The following MICAL1 variants were observed in gnomAD, a reference collection of about 807,000 sequenced individuals.
MICAL1 encodes the protein [F-actin]-monooxygenase MICAL1.
Under a neutral mutation model 131.8 loss-of-function variants are expected in MICAL1, and 95 were observed. That is an observed-to-expected ratio of 0.72 (90% CI 0.61 to 0.86). The LOEUF is 0.86. Ranked by LOEUF, MICAL1 falls within the 40% of genes least tolerant of loss-of-function variation. The pLI, the probability that MICAL1 is intolerant of heterozygous loss-of-function variation, is 0.00. For missense variants in MICAL1, 1,292 were observed against 1,380.6 expected, an observed-to-expected ratio of 0.94 and a Z score of 1.02; for synonymous variants, 546 against 554.2, an observed-to-expected ratio of 0.99 and a Z score of 0.21.
chr6:109,450,475 T>C lies in MICAL1; in HGVS notation c.1016A>G (p.Asp339Gly). The C allele has an allele frequency of 6.2e-7, 1 of 1,613,390 alleles. No homozygotes were observed. Among genetic ancestry groups the C allele is most frequent in the Non-Finnish European group, 8.5e-7 (1 of 1,179,998 alleles). The change falls in exon 8 of 25, where the codon GAC (aspartate) becomes GGC (glycine). Residue 339 changes from aspartate (D) to glycine (G), a missense_variant. Coordinates refer to ENST00000358807, the MANE Select transcript of MICAL1 (RefSeq NM_022765.4). Reference protein sequence around the residue: ...ALQRFTRAAADFATHGKLGKL... With the variant: ...ALQRFTRAAAGFATHGKLGKL... Reference sequence around the variant, plus strand: ...CCCGAGCTTGCCATGGGTGGCAAAGTCAGCAGCTGCCCGGGTAAAGCGCTG... The same window carrying C: ...CCCGAGCTTGCCATGGGTGGCAAAGCCAGCAGCTGCCCGGGTAAAGCGCTG...
intron 22 of MICAL1, 62 bp from the exon 23 acceptor site, chr6:109,445,057 C>T (rs1775146804): frequency 6.3e-7 from 1 of 1,593,596 alleles, no homozygotes; most frequent in South Asian, 1.1e-5. Context: ...ACAGGAGTTA[C>T]AGGCTTAGGG....
In MICAL1 at chr6:109,450,080, G is replaced by A; in HGVS notation, c.1197C>T (p.Phe399=). ...GTGCCACTCCAGTGCCCAGGGGCCA[G>A]AAGGGCTGCAGTGTCAGAGGAATAG... The part of the protein sequence containing the change: ...GLVGDCLVEP[F]WPLGTGVARG... The change falls in exon 9 of 25, where the codon TTC becomes TTT. Residue 399 remains phenylalanine, a synonymous_variant. Transcript: ENST00000358807. 1 of 1,613,596 alleles carries A rather than the reference G, an allele frequency of 6.2e-7. No individual in the cohort carries two copies. The highest frequency in any genetic ancestry group is 2.2e-5 in the East Asian group (1 of 44,890).
chr6:109,464,597 T>C (rs902492920), intron 1 of MICAL1: 2 of 152,208 alleles, frequency 1.3e-5, no homozygotes, highest in African/African-American at 4.8e-5. Flanking sequence ...AATCATACAA[T>C]TACAGACACA....
rs910205794 is a variant in MICAL1, at chr6:109,452,755, C to T, written c.572-140G>A. ...CAATGATATATTATCTATCAGATTA[C>T]ACCTTCACAGCAGCTATGGAAGGCA... On this transcript the variant is annotated intron_variant, in intron 4 of 24. Transcript: ENST00000358807. The T allele has an allele frequency of 1.9e-5, 12 of 636,368 alleles. No homozygotes were observed. The African/African-American group carries it at 2.2e-4, about 12-fold the overall frequency. The allele number at this position is 636,368 out of a possible 1,614,324, so 39.4% of individuals were successfully genotyped here.
rs1421053183 is a variant in MICAL1 at position 109,450,570 on chromosome 6, C to T, written c.934-13G>A. ...TGTCTGGCCAGTCCTGTATGGTCAA[C>T]AGAGCAGAACCTCAGAGACCTCTGA... On this transcript the variant is annotated splice_polypyrimidine_tract_variant and intron_variant, in intron 7 of 24. Transcript: ENST00000358807. 1 of 1,590,054 alleles carries T rather than the reference C, an allele frequency of 6.3e-7. No individual in the cohort carries two copies. The highest frequency in any genetic ancestry group is 8.6e-7 in the Non-Finnish European group (1 of 1,162,066).
chr6:109,457,012 G>A (rs986163420), upstream of MICAL1, among the ~76,000 whole-genome samples: 2 of 152,198 alleles, frequency 1.3e-5, no homozygotes, highest in Non-Finnish European at 2.9e-5. Flanking sequence ...ATAAATAAGA[G>A]GGTTGCTGTC....
chr6:109,453,576 C>T, intron 3 of MICAL1, 62 bp downstream of exon 3: 1 of 1,535,446 alleles, frequency 6.5e-7, no homozygotes. Context: ...CCAGCATTTC[C>T]CCACTGGCCT....
intron 7 of MICAL1, among the ~76,000 whole-genome samples, chr6:109,451,216 C>G (rs1024013416): frequency 1.3e-5 from 2 of 149,558 alleles, no homozygotes; most frequent in Admixed American, 1.3e-4. Context: ...TGCAGTGGCA[C>G]AATCTTGGCT....
intron 7 of MICAL1, 90 bp downstream of exon 7, chr6:109,451,510 C>T (rs1187088194): frequency 6.7e-7 from 1 of 1,501,588 alleles, no homozygotes; most frequent in African/African-American, 1.4e-5. Flanking sequence ...AGGACGGGGT[C>T]CCCACACCCA....
At position 109,446,789 on chromosome 6, in the gene MICAL1, G is replaced by A. The variant is rs1475688654; in HGVS notation, c.2228-17C>T. 2 of 1,610,626 alleles carry A rather than the reference G, an allele frequency of 1.2e-6. No homozygotes were observed. Among genetic ancestry groups the A allele is most frequent in the South Asian group, 1.1e-5 (1 of 90,556 alleles). Reference sequence around the variant, plus strand: ...AGAAATGTCCTGGAAAGGGTAGAGAGGGGAGGAGGCATTTGGTGTGGGCAG... The same window carrying A: ...AGAAATGTCCTGGAAAGGGTAGAGAAGGGAGGAGGCATTTGGTGTGGGCAG... On this transcript the variant is annotated splice_polypyrimidine_tract_variant and intron_variant, in intron 17 of 24. Transcript: ENST00000358807.
Position 109,455,606 on chromosome 6 carries a change from C to G in MICAL1, c.-44+113G>C. The G allele has an allele frequency of 1.4e-6, 1 of 733,736 alleles. No individual in the cohort carries two copies. Among genetic ancestry groups the G allele is most frequent in the Non-Finnish European group, 1.7e-6 (1 of 599,408 alleles). The allele number at this position is 733,736 out of a possible 1,614,324, so 45.5% of individuals were successfully genotyped here. A position where few individuals can be genotyped will look rare whatever the true frequency, so the allele number is the denominator to read the frequency against. On this transcript the variant is annotated intron_variant, in intron 1 of 24. Coordinates refer to ENST00000358807, the MANE Select transcript of MICAL1 (RefSeq NM_022765.4). The surrounding 1 kb of genome is among the most constrained non-coding windows in gnomAD (Gnocchi z 4.7). ...AGGGCTGGGCTGAGGGAAGACCTGC[C>G]TGACCTGCCAGGCGTGGTTCCCGAG...
Position 109,450,439 on chromosome 6 carries a change from A to T in MICAL1, c.1052T>A (p.Phe351Tyr). 1 of 1,613,554 alleles carries T rather than the reference A, an allele frequency of 6.2e-7. No individual in the cohort carries two copies. The highest frequency in any genetic ancestry group is 8.5e-7 in the Non-Finnish European group (1 of 1,179,992). ...ATHGKLGKLE[F>Y]AQDAHGQPDV... ...AGGCTGCCCATGGGCATCCTGGGCA[A>T]ACTCTAGTTTCCCGAGCTTGCCATG... The change falls in exon 8 of 25, where the codon TTT (phenylalanine) becomes TAT (tyrosine). Residue 351 changes from phenylalanine to tyrosine, a missense_variant. Physicochemically the swap from Phe to Tyr is conservative, Grantham distance 22 (BLOSUM62 3). Transcript: ENST00000358807.
At position 109,453,949 on chromosome 6, in the gene MICAL1, G is replaced by C. The variant is rs187417837; in HGVS notation, c.248C>G (p.Thr83Ser). ...QPVYQQGRACTSTKCLVVGAG... is the reference protein window; with the variant it reads ...QPVYQQGRACSSTKCLVVGAG... ...GCACCGTGTATCCACCTTGGTGCTGGTGCAGGCCCGGCCCTGCTGGTAGAC... is the reference window on the plus strand; with the variant it reads ...GCACCGTGTATCCACCTTGGTGCTGCTGCAGGCCCGGCCCTGCTGGTAGAC... The change falls in exon 2 of 25, where the codon ACC becomes AGC. Residue 83 changes from threonine to serine, a missense_variant. Thr to Ser is a moderately conservative substitution (Grantham distance 58). Coordinates refer to ENST00000358807, the MANE Select transcript of MICAL1 (RefSeq NM_022765.4). The C allele has an allele frequency of 2.6e-5, 42 of 1,613,548 alleles. No homozygotes were observed. Among genetic ancestry groups the C allele is most frequent in the Non-Finnish European group, 3.3e-5 (39 of 1,179,740 alleles).
chr6:109,458,472 G>A (rs549250038), upstream of MICAL1, among the ~76,000 whole-genome samples: 5 of 152,300 alleles, frequency 3.3e-5, no homozygotes, highest in Admixed American at 2.6e-4. Flanking sequence ...GCACATGCCT[G>A]TAATCCCAGC....
intron 4 of MICAL1, 100 bp downstream of exon 4, chr6:109,453,158 TCAAAA>T: frequency 1.1e-6 from 1 of 909,364 alleles, no homozygotes; most frequent in Non-Finnish European, 1.7e-6. Flanking sequence ...AGACTCTGTC[TCAAAA>T]CAAAAACAGA....
chr6:109,448,169 C>T, intron 13 of MICAL1, 34 bp downstream of exon 13: 1 of 1,576,630 alleles, frequency 6.3e-7, no homozygotes, highest in Non-Finnish European at 8.6e-7. Context: ...ACCTCCCCAT[C>T]CCAGTTATCC....
At position 109,454,009 on chromosome 6, in the gene MICAL1, A is replaced by G; in HGVS notation, c.188T>C (p.Leu63Pro). The G allele has an allele frequency of 1.2e-6, 2 of 1,614,114 alleles. No homozygotes were observed. Among genetic ancestry groups the G allele is most frequent in the African/African-American group, 1.3e-5 (1 of 75,044 alleles). Reference sequence around the variant, plus strand: ...TGCTCGCTTGTCCAGCTTGGTCCACAGTGACTTGGCGCTCCAGTAGTTGAG... The same window carrying G: ...TGCTCGCTTGTCCAGCTTGGTCCACGGTGACTTGGCGCTCCAGTAGTTGAG... ...DQLNYWSAKS[L>P]WTKLDKRAGQ... Residue 63 changes from leucine to proline, a missense_variant, in exon 2 of 25, where the codon CTG becomes CCG. Physicochemically the swap from Leu to Pro is moderately conservative, Grantham distance 98. Transcript: ENST00000358807.
At chr6:109,444,394 G>A in intron 24 of MICAL1, 55 bp from the exon 25 acceptor site, 1 of 1,608,578 alleles carries the variant, frequency 6.2e-7, no homozygotes, top group South Asian at 1.1e-5. Context: ...GAAGCAGGAG[G>A]GCCACAACCT....
At chr6:109,446,838 T>G (rs936824753) in intron 17 of MICAL1, 66 bp from the exon 18 acceptor site, 2 of 1,461,522 alleles carry the variant, frequency 1.4e-6, no homozygotes, top group Non-Finnish European at 1.9e-6. Context: ...CACGCAACAG[T>G]TTATGAAGGA....
Sources: gnomAD v4.1 joint callset for allele counts (sites outside exome capture counted in the v4.1 genomes callset) on GRCh38, gnomAD v4.1.1 for gene constraint, Gnocchi (gnomAD v3.1) non-coding constraint, MANE v1.5 for transcripts, NCBI Gene and HGNC (gene_info 2026-07-23, HGNC 2026-07-21) for gene names.